CRACD: variants seen among roughly 807,000 people sequenced by gnomAD.
CRACD encodes the protein capping protein-inhibiting regulator of actin dynamics.
A neutral mutation model predicts 106.8 loss-of-function variants in CRACD; 56 were observed. That is an observed-to-expected ratio of 0.52 (90% CI 0.42 to 0.66). CRACD has a LOEUF of 0.66. CRACD is among the 30% of genes least tolerant of loss of function. The pLI, the probability that CRACD is intolerant of heterozygous loss-of-function variation, is 0.00. For synonymous variants in CRACD, 754 were observed against 670.8 expected (o/e 1.12, Z -1.92); for missense variants, 1,730 against 1,623.2 (o/e 1.07, Z -1.13).
intron 1 of CRACD, among the ~76,000 whole-genome samples, chr4:56,089,862 G>T (rs1442422849): frequency 6.6e-6 from 1 of 152,112 alleles, no homozygotes; most frequent in Non-Finnish European, 1.5e-5. Flanking sequence ...ATTGTTCCAG[G>T]TGCTTACCTG....
intron 1 of CRACD, among the ~76,000 whole-genome samples, chr4:56,167,643 A>G (rs762662995): frequency 6.6e-6 from 1 of 152,200 alleles, no homozygotes; most frequent in Non-Finnish European, 1.5e-5. Flanking sequence ...AGCTTATTTC[A>G]TTTAACATAA....
intron 1 of CRACD, among the ~76,000 whole-genome samples, chr4:56,077,434 A>G (rs1447304895): frequency 6.6e-6 from 1 of 152,172 alleles, no homozygotes; most frequent in East Asian, 1.9e-4. Context: ...CCATATCATT[A>G]TGTATACGTG....
At chr4:56,254,988 C>T (rs954093893) in intron 2 of CRACD, among the ~76,000 whole-genome samples, 3 of 151,408 alleles carry the variant, frequency 2.0e-5, no homozygotes, top group African/African-American at 4.9e-5. Context: ...GTGGCAGGCA[C>T]CTATAGTCCC....
In CRACD at chr4:56,315,682, A is replaced by T. The variant is rs1745579229; in HGVS notation, c.2180A>T (p.Lys727Ile). The T allele has an allele frequency of 6.2e-7, 1 of 1,614,076 alleles. No homozygotes were observed. The highest frequency in any genetic ancestry group is 1.7e-5 in the Admixed American group (1 of 60,010). ...TTCTCTATTATGCCTGCCTGGCAGA[A>T]ATTTTCCGATGGTGGCACGGAGACC... ...AKFSIMPAWQ[K>I]FSDGGTETSK... The change falls in exon 8 of 11, where the codon AAA becomes ATA. Residue 727 changes from lysine (K) to isoleucine (I), a missense_variant. Coordinates refer to ENST00000682029, the MANE Select transcript of CRACD (RefSeq NM_001393381.1). This position sits in a 1 kb window ranked among gnomAD's most constrained non-coding sequence, Gnocchi z 4.1.
chr4:56,095,005 A>G (rs1372096886), intron 1 of CRACD, among the ~76,000 whole-genome samples: 1 of 152,208 alleles, frequency 6.6e-6, no homozygotes, highest in South Asian at 2.1e-4. Context: ...CAATACATTT[A>G]CATCCCTTCC....
intron 1 of CRACD, among the ~76,000 whole-genome samples, chr4:56,081,462 A>C (rs1195885573): frequency 6.6e-6 from 1 of 152,192 alleles, no homozygotes; most frequent in Non-Finnish European, 1.5e-5. Context: ...TGAAGTGTTA[A>C]ATAATATTTA....
chr4:56,108,649 AG>A (rs1734023415), intron 1 of CRACD, among the ~76,000 whole-genome samples: 1 of 152,258 alleles, frequency 6.6e-6, no homozygotes. Context: ...ATACAAGACA[AG>A]GGGGGCAGGG....
chr4:56,317,051 A>G (rs1745722902), intron 8 of CRACD, among the ~76,000 whole-genome samples: 1 of 152,196 alleles, frequency 6.6e-6, no homozygotes, highest in Admixed American at 6.5e-5. Context: ...CATTCCAGAG[A>G]TGTCTAGAAA....
intron 1 of CRACD, among the ~76,000 whole-genome samples, chr4:56,091,752 T>G (rs1028105062): frequency 2.6e-5 from 4 of 152,226 alleles, no homozygotes; most frequent in African/African-American, 9.6e-5. Flanking sequence ...AATTTCCATA[T>G]GATATTGTTC....
chr4:56,268,587 A>T lies in CRACD; in HGVS notation c.-188-3734A>T, dbSNP rs144191700. Among the ~76,000 whole-genome samples the T allele has an allele frequency of 9.1e-4, 138 of 152,358 alleles. 2 individuals carry two copies. The East Asian group carries it at 0.024, about 26-fold the overall frequency. On this transcript the variant is annotated intron_variant, in intron 2 of 10. Coordinates refer to ENST00000682029, the MANE Select transcript of CRACD (RefSeq NM_001393381.1). ...GAAATAAGTGGAATATAATATAAAT[A>T]GCCATTTGACCACTTACTGTGATGC...
chr4:56,197,663 A>G (rs932623369), intron 2 of CRACD, among the ~76,000 whole-genome samples: 2 of 151,442 alleles, frequency 1.3e-5, no homozygotes, highest in Non-Finnish European at 2.9e-5. Flanking sequence ...AGACCTCTCT[A>G]TTTCCTTGTT....
intron 1 of CRACD, among the ~76,000 whole-genome samples, chr4:56,093,066 A>G (rs1352580354): frequency 6.6e-6 from 1 of 152,152 alleles, no homozygotes; most frequent in African/African-American, 2.4e-5. Flanking sequence ...TCCACTACTT[A>G]CTGGAGTTTT....
chr4:56,298,465 C>A, intron 4 of CRACD, 116 bp downstream of exon 4: 1 of 1,232,992 alleles, frequency 8.1e-7, no homozygotes, highest in South Asian at 1.6e-5. Context: ...AGAGGTCACT[C>A]CTGGTGAGAA....
intron 2 of CRACD, among the ~76,000 whole-genome samples, chr4:56,185,253 G>A (rs1433518157): frequency 6.6e-6 from 1 of 152,080 alleles, no homozygotes; most frequent in Non-Finnish European, 1.5e-5. Context: ...CAGCGCACCC[G>A]GCCTTCAGTG....
intron 1 of CRACD, among the ~76,000 whole-genome samples, chr4:56,151,893 C>T (rs1001454787): frequency 2.6e-5 from 4 of 152,144 alleles, no homozygotes; most frequent in Non-Finnish European, 5.9e-5. Flanking sequence ...GATCTGTGTT[C>T]TCATTGCACC....
At chr4:56,090,683 CTGCGCCCAGT>C (rs1231658659) in intron 1 of CRACD, among the ~76,000 whole-genome samples, 2 of 152,192 alleles carry the variant, frequency 1.3e-5, no homozygotes, top group African/African-American at 4.8e-5. Context: ...GTGTAAGCCA[CTGCGCCCAGT>C]CAGGGCCAGG....
intron 1 of CRACD, among the ~76,000 whole-genome samples, chr4:56,113,898 A>G (rs1428251595): frequency 2.0e-5 from 3 of 152,134 alleles, no homozygotes; most frequent in Admixed American, 6.5e-5. Flanking sequence ...GCTTTCTTGT[A>G]TACATAAAAG....
At chr4:56,250,899 T>C (rs1467728647) in intron 2 of CRACD, among the ~76,000 whole-genome samples, 1 of 152,188 alleles carries the variant, frequency 6.6e-6, no homozygotes, top group African/African-American at 2.4e-5. Flanking sequence ...ACAAGCATAT[T>C]TCGAAATAAC....
At chr4:56,057,404 C>T (rs1361635297) in intron 1 of CRACD, among the ~76,000 whole-genome samples, 1 of 152,186 alleles carries the variant, frequency 6.6e-6, no homozygotes, top group Non-Finnish European at 1.5e-5. Flanking sequence ...TGTATATTCA[C>T]CATGCCAGTT....
Sources: gnomAD v4.1 joint callset for allele counts (sites outside exome capture counted in the v4.1 genomes callset) on GRCh38, gnomAD v4.1.1 for gene constraint, Gnocchi (gnomAD v3.1) non-coding constraint, MANE v1.5 for transcripts, NCBI Gene and HGNC (gene_info 2026-07-23, HGNC 2026-07-21) for gene names.